GNB1: variants seen among roughly 807,000 people sequenced by gnomAD.
GNB1 encodes the protein G protein subunit beta 1, also known as guanine nucleotide-binding protein G(I)/G(S)/G(T) subunit beta-1.
A neutral mutation model predicts 42.9 loss-of-function variants in GNB1; 2 were observed. The ratio of observed to expected loss-of-function variants is 0.05; its 90% CI spans 0.02 to 0.15. The LOEUF (loss-of-function observed/expected upper bound fraction) is 0.15, where lower values mean the gene tolerates loss of function less well. GNB1 is among the 10% of genes least tolerant of loss of function. The probability of loss-of-function intolerance (pLI) is 1.00; values close to 1 mark genes in which losing one functional copy is unlikely to be tolerated. For synonymous variants in GNB1, 183 were observed against 174.7 expected (o/e 1.05, Z -0.38); for missense variants, 193 against 462.2 (o/e 0.42, Z 5.34).
intron 1 of GNB1, among the ~76,000 whole-genome samples, chr1:1,886,187 G>A (rs1337510215): frequency 2.0e-5 from 3 of 152,122 alleles, no homozygotes; most frequent in South Asian, 2.1e-4. Context: ...GCATGACGGC[G>A]GGTGCCTGTA....
chr1:1,869,643 G>C (rs1052452816), intron 1 of GNB1, among the ~76,000 whole-genome samples: 1 of 152,114 alleles, frequency 6.6e-6, no homozygotes, highest in Non-Finnish European at 1.5e-5. Context: ...TATTCATCAC[G>C]TAGCTGGTTC....
At chr1:1,872,489 G>A (rs781156013) in intron 1 of GNB1, among the ~76,000 whole-genome samples, 1 of 152,160 alleles carries the variant, frequency 6.6e-6, no homozygotes, top group Non-Finnish European at 1.5e-5. Flanking sequence ...GCCAAGGCCT[G>A]GCTTCCACCC....
intron 5 of GNB1, among the ~76,000 whole-genome samples, chr1:1,811,127 C>G (rs900877983): frequency 8.0e-5 from 12 of 149,574 alleles, no homozygotes; most frequent in African/African-American, 3.0e-4. Context: ...ACTCTGTTGC[C>G]CAGGCTGGAG....
At chr1:1,848,356 GCAAA>G (rs1557925571) in intron 1 of GNB1, among the ~76,000 whole-genome samples, 5 of 87,064 alleles carry the variant, frequency 5.7e-5, no homozygotes, top group Non-Finnish European at 7.9e-5. Context: ...TCCAGCCCAG[GCAAA>G]AAAAAAAAAA....
At chr1:1,800,347 G>A (rs1473858712) in intron 7 of GNB1, among the ~76,000 whole-genome samples, 1 of 152,098 alleles carries the variant, frequency 6.6e-6, no homozygotes, top group African/African-American at 2.4e-5. Flanking sequence ...CTAAATAAAA[G>A]CAATAGAAAC....
intron 1 of GNB1, among the ~76,000 whole-genome samples, chr1:1,865,500 C>T (rs897635694): frequency 4.0e-5 from 6 of 151,426 alleles, no homozygotes; most frequent in African/African-American, 1.5e-4. Flanking sequence ...GCAGGAGAAT[C>T]GCTTGAACCC....
chr1:1,785,954 C>A lies in GNB1; in HGVS notation c.*1109G>T. 2.5e-6 allele frequency: 1 copy of A among 398,814 alleles called. No homozygotes were observed. The highest frequency in any genetic ancestry group is 4.4e-6 in the Non-Finnish European group (1 of 226,056). The allele number at this position is 398,814 out of a possible 1,614,324, so 24.7% of individuals were successfully genotyped here. The stretch of plus-strand genomic sequence containing the variant: ...TGGTTACAACTGTAAGAGGTTATTT[C>A]TTAAAAGAAAAAGAACACCTAAGGA... On this transcript the variant is annotated 3_prime_UTR_variant, in exon 12 of 12. Transcript: ENST00000378609.
At chr1:1,861,499 G>A (rs1368237578) in intron 1 of GNB1, among the ~76,000 whole-genome samples, 1 of 151,826 alleles carries the variant, frequency 6.6e-6, no homozygotes, top group Non-Finnish European at 1.5e-5. Flanking sequence ...CAGGAACTCA[G>A]TAACTGCTTA....
chr1:1,807,279 G>A (rs1360624991), intron 5 of GNB1, among the ~76,000 whole-genome samples: 1 of 151,558 alleles, frequency 6.6e-6, no homozygotes, highest in African/African-American at 2.4e-5. Context: ...ATGCTAGCAT[G>A]GTAAAATCCC....
At chr1:1,890,612 C>A (rs1190191205) in intron 1 of GNB1, among the ~76,000 whole-genome samples, 1 of 148,578 alleles carries the variant, frequency 6.7e-6, no homozygotes, top group Non-Finnish European at 1.5e-5. Context: ...GGCTCCTCTC[C>A]CTAGACCCCG....
intron 1 of GNB1, among the ~76,000 whole-genome samples, chr1:1,845,686 G>T (rs1013823248): frequency 1.3e-5 from 2 of 152,116 alleles, no homozygotes; most frequent in Non-Finnish European, 2.9e-5. Flanking sequence ...GGGGAGCAAG[G>T]CTCACACTGG....
chr1:1,882,666 T>C (rs1254675238), intron 1 of GNB1, among the ~76,000 whole-genome samples: 2 of 152,164 alleles, frequency 1.3e-5, no homozygotes, highest in Non-Finnish European at 2.9e-5. Context: ...CTCACGCCTG[T>C]AATCCCAGCA....
At chr1:1,802,156 G>A (rs1646634833) in intron 7 of GNB1, among the ~76,000 whole-genome samples, 1 of 152,156 alleles carries the variant, frequency 6.6e-6, no homozygotes. Flanking sequence ...GAAAGACACA[G>A]AATATTTGAA....
chr1:1,827,059 GT>G (rs1206964745), intron 2 of GNB1, among the ~76,000 whole-genome samples: 3 of 152,122 alleles, frequency 2.0e-5, no homozygotes, highest in Non-Finnish European at 2.9e-5. Flanking sequence ...TATAACTTTT[GT>G]GTAAGTCAAA....
chr1:1,833,269 GA>G (rs2101080244), intron 2 of GNB1, among the ~76,000 whole-genome samples: 1 of 152,282 alleles, frequency 6.6e-6, no homozygotes, highest in East Asian at 1.9e-4. Context: ...GCAGCATTTT[GA>G]AAGAGAGGAG....
chr1:1,889,937 T>G (rs999030956), intron 1 of GNB1, among the ~76,000 whole-genome samples: 1 of 151,534 alleles, frequency 6.6e-6, no homozygotes, highest in Admixed American at 6.6e-5. Flanking sequence ...ACCCAGCCTT[T>G]GTGCTATTTC....
intron 3 of GNB1, among the ~76,000 whole-genome samples, chr1:1,821,242 C>T (rs1481012761): frequency 6.6e-6 from 1 of 152,240 alleles, no homozygotes; most frequent in Non-Finnish European, 1.5e-5. Flanking sequence ...CTCCCTTGCA[C>T]TGGCTGGCAT....
intron 5 of GNB1, among the ~76,000 whole-genome samples, chr1:1,809,724 T>C (rs1379931509): frequency 6.6e-6 from 1 of 152,102 alleles, no homozygotes; most frequent in Non-Finnish European, 1.5e-5. Flanking sequence ...CCACTGATCC[T>C]CCAGAAGGTG....
At chr1:1,845,824 T>TACATACACAC in intron 1 of GNB1, among the ~76,000 whole-genome samples, 1 of 140,360 alleles carries the variant, frequency 7.1e-6, no homozygotes, top group African/African-American at 2.7e-5. Flanking sequence ...TGTAAGTCCA[T>TACATACACAC]ACACACACAC....
Sources: allele counts gnomAD v4.1 joint callset (sites outside exome capture counted in the v4.1 genomes callset), GRCh38; gene constraint gnomAD v4.1.1; transcripts MANE v1.5; gene names NCBI Gene and HGNC (gene_info 2026-07-23, HGNC 2026-07-21).